The following RPS6KA4 variants were observed in gnomAD, a reference collection of about 807,000 sequenced individuals.
The protein encoded by RPS6KA4 is ribosomal protein S6 kinase alpha-4.
Under a neutral mutation model 89.6 loss-of-function variants are expected in RPS6KA4, and 38 were observed. The observed-to-expected ratio is 0.42, with a 90% CI of 0.33 to 0.56. RPS6KA4 has a LOEUF of 0.56. Among genes scored for constraint, RPS6KA4 ranks in the 20% least tolerant of loss-of-function variants. The pLI is 0.07. For missense variants in RPS6KA4, 873 were observed against 1,098.8 expected, an observed-to-expected ratio of 0.79 and a Z score of 2.90; for synonymous variants, 495 against 492.8, an observed-to-expected ratio of 1.00 and a Z score of -0.06.
chr11:64,360,616 C>A, intron 4 of RPS6KA4, 24 bp downstream of exon 4: 1 of 1,561,198 alleles, frequency 6.4e-7, no homozygotes, highest in Non-Finnish European at 8.7e-7. Context: ...TGGCCGCAGG[C>A]TGTTGCTATG....
intron 9 of RPS6KA4, 104 bp downstream of exon 9, chr11:64,365,569 T>G: frequency 2.3e-6 from 3 of 1,311,974 alleles, no homozygotes; most frequent in Non-Finnish European, 2.1e-6. Flanking sequence ...GTGTCCTGAT[T>G]GGGACTCAGC....
chr11:64,364,167 T>A (rs991709671), intron 8 of RPS6KA4, among the ~76,000 whole-genome samples: 15 of 122,140 alleles, frequency 1.2e-4, no homozygotes, highest in African/African-American at 3.9e-4. Flanking sequence ...ATTTTTTTTT[T>A]ATTCTTAGCA....
intron 9 of RPS6KA4, among the ~76,000 whole-genome samples, chr11:64,366,658 G>A (rs1565071715): frequency 6.6e-6 from 1 of 152,168 alleles, no homozygotes; most frequent in African/African-American, 2.4e-5. Flanking sequence ...CTGTGCCTTT[G>A]CACTTGCTGC....
In RPS6KA4 at chr11:64,370,010, T is replaced by A; in HGVS notation, c.1797+117T>A. The A allele has an allele frequency of 8.2e-7, 1 of 1,223,332 alleles. No individual in the cohort carries two copies. Among genetic ancestry groups the A allele is most frequent in the Non-Finnish European group, 1.1e-6 (1 of 908,072 alleles). 75.8% of individuals were successfully genotyped at this position (1,223,332 alleles called of 1,614,324 possible). Reference sequence around the variant, plus strand: ...TCTTGGTGGGGGCGGCTGGGTTTCGTCCGAAGCTGGGATCGGGGTGGTTCA... The same window carrying A: ...TCTTGGTGGGGGCGGCTGGGTTTCGACCGAAGCTGGGATCGGGGTGGTTCA... On this transcript the variant is annotated intron_variant, in intron 14 of 16. Transcript: ENST00000334205. The surrounding 1 kb of genome is among the most constrained non-coding windows in gnomAD (Gnocchi z 4.1).
chr11:64,368,658 G>A lies in RPS6KA4; in HGVS notation c.1335-46G>A, dbSNP rs113909793. 6.0e-5 allele frequency: 94 copies of A among 1,574,192 alleles called. 1 individual carries two copies. In the African/African-American group the frequency reaches 7.9e-4, roughly 13 times the overall value. On this transcript the variant is annotated intron_variant, in intron 11 of 16. Coordinates refer to ENST00000334205, the MANE Select transcript of RPS6KA4 (RefSeq NM_003942.3). ...GGTGGCAGAGCGCTGTCCCGGGGGC[G>A]GGGCCGAAGCGCGGCGACCGTAACT... is the stretch of plus-strand genomic sequence containing the variant.
rs760259954 is a variant in RPS6KA4, at chr11:64,361,916, C to G, written c.820C>G (p.Gln274Glu). The G allele has an allele frequency of 1.9e-5, 30 of 1,612,762 alleles. No homozygotes were observed. Among genetic ancestry groups the G allele is most frequent in the Non-Finnish European group, 2.3e-5 (27 of 1,179,804 alleles). ...RIGPVAQDLL[Q>E]RLLCKDPKKR... is the part of the protein sequence containing the mutation. The stretch of plus-strand genomic sequence containing the variant: ...CGGGCCCGTGGCGCAGGACCTGCTG[C>G]AGCGGCTGCTTTGTAAGGATCCTAA... Residue 274 changes from glutamine (Q) to glutamate (E), a missense_variant, in exon 8 of 17, where the codon CAG becomes GAG. Physicochemically the swap from Gln to Glu is conservative, Grantham distance 29. Coordinates refer to ENST00000334205, the MANE Select transcript of RPS6KA4 (RefSeq NM_003942.3). The surrounding 1 kb of genome is among the most constrained non-coding windows in gnomAD (Gnocchi z 4.7).
At position 64,365,479 on chromosome 11, in the gene RPS6KA4, C is replaced by T. The variant is rs1265873788; in HGVS notation, c.1071+14C>T. On this transcript the variant is annotated intron_variant, in intron 9 of 16. Transcript: ENST00000334205. ...CGAATCTTTCAGGTGAGGGGAAACT[C>T]ATGGAACCCAGATGCAGGAGAGATG... 4 of 1,613,338 alleles carry T rather than the reference C, an allele frequency of 2.5e-6. No individual in the cohort carries two copies. Among genetic ancestry groups the T allele is most frequent in the Admixed American group, 1.7e-5 (1 of 59,876 alleles).
chr11:64,371,456 C>T lies in RPS6KA4; in HGVS notation c.2295C>T (p.Ala765=), dbSNP rs771601070. 2 of 1,436,248 alleles carry T rather than the reference C, an allele frequency of 1.4e-6. No homozygotes were observed. The highest frequency in any genetic ancestry group is 3.8e-5 in the Admixed American group (2 of 53,064). The allele number at this position is 1,436,248 out of a possible 1,614,324, so 89.0% of individuals were successfully genotyped here. A position where few individuals can be genotyped will look rare whatever the true frequency, so the allele number is the denominator to read the frequency against. Residue 765 remains alanine, a synonymous_variant, in exon 17 of 17, where the codon GCC becomes GCT. Transcript: ENST00000334205. ...CCTCCAAAGGGGCCCCCCGCCGAGC[C>T]AACGGCCCCCTGCCCCCCTCCTAAT... ...PVASKGAPRR[A]NGPLPPS
chr11:64,360,636 T>C, intron 4 of RPS6KA4, 44 bp downstream of exon 4: 1 of 1,510,330 alleles, frequency 6.6e-7, no homozygotes, highest in South Asian at 1.2e-5. Context: ...GGAAACTGGG[T>C]CTGTGCCTTG....
intron 4 of RPS6KA4, chr11:64,360,916 TC>T: frequency 1.7e-6 from 1 of 571,842 alleles, no homozygotes; most frequent in Non-Finnish European, 3.1e-6. Context: ...ACACAGACTT[TC>T]CTCTCTCTGG....
Position 64,370,778 on chromosome 11 carries a change from G to A in RPS6KA4, c.2121+52G>A, listed in dbSNP as rs1591322054. ...AGGGGTGGGCGAAGCCTCGAGAGGT[G>A]GGGTCTGGGGAGGCCCGGCCATCGG... On this transcript the variant is annotated intron_variant, in intron 16 of 16. Coordinates refer to ENST00000334205, the MANE Select transcript of RPS6KA4 (RefSeq NM_003942.3). This position sits in a 1 kb window ranked among gnomAD's most constrained non-coding sequence, Gnocchi z 4.1. 3 of 1,461,828 alleles carry A rather than the reference G, an allele frequency of 2.1e-6. No individual in the cohort carries two copies. Among genetic ancestry groups the A allele is most frequent in the South Asian group, 1.4e-5 (1 of 73,446 alleles). 90.6% of individuals were successfully genotyped at this position (1,461,828 alleles called of 1,614,324 possible). A position where few individuals can be genotyped will look rare whatever the true frequency, so the allele number is the denominator to read the frequency against.
Position 64,370,391 on chromosome 11 carries a change from A to T in RPS6KA4, c.1957+7A>T. The T allele has an allele frequency of 6.2e-7, 1 of 1,610,140 alleles. No homozygotes were observed. Among genetic ancestry groups the T allele is most frequent in the Non-Finnish European group, 8.5e-7 (1 of 1,178,788 alleles). ...GCCAAGGAGCTGGTCCGAGGTGCGG[A>T]GCTGGAGGTCATAGACCATGGTTGG... On this transcript the variant is annotated splice_region_variant and intron_variant, in intron 15 of 16. Coordinates refer to ENST00000334205, the MANE Select transcript of RPS6KA4 (RefSeq NM_003942.3). The surrounding 1 kb of genome is among the most constrained non-coding windows in gnomAD (Gnocchi z 4.1).
At chr11:64,359,712 C>T (rs564741064) in intron 2 of RPS6KA4, 3 of 561,110 alleles carry the variant, frequency 5.3e-6, no homozygotes, top group Non-Finnish European at 9.5e-6. Context: ...GGGACTGGCG[C>T]CCCTCTCAAG....
At position 64,360,474 on chromosome 11, in the gene RPS6KA4, C is replaced by G. The variant is rs752234331; in HGVS notation, c.347-3C>G. ...GCTTCCTGACTTCCACTGCACCTCC[C>G]AGACTATGTGAGCGGCGGGGAGATG... On this transcript the variant is annotated splice_polypyrimidine_tract_variant and splice_region_variant and intron_variant, in intron 3 of 16. Coordinates refer to ENST00000334205, the MANE Select transcript of RPS6KA4 (RefSeq NM_003942.3). 6.2e-7 allele frequency: 1 copy of G among 1,611,156 alleles called. No individual in the cohort carries two copies. Among genetic ancestry groups the G allele is most frequent in the Admixed American group, 1.7e-5 (1 of 59,818 alleles).
Position 64,370,305 on chromosome 11 carries a change from C to T in RPS6KA4, c.1878C>T (p.Cys626=). ...GGQSQAAEIM[C]KIREGRFSLD... Reference sequence around the variant, plus strand: ...AGAGCCAGGCGGCCGAGATCATGTGCAAAATCCGCGAGGGGCGCTTCTCCC... The same window carrying T: ...AGAGCCAGGCGGCCGAGATCATGTGTAAAATCCGCGAGGGGCGCTTCTCCC... Residue 626 remains cysteine, a synonymous_variant, in exon 15 of 17, where the codon TGC becomes TGT. Transcript: ENST00000334205. This position sits in a 1 kb window ranked among gnomAD's most constrained non-coding sequence, Gnocchi z 4.1. 6.3e-7 allele frequency: 1 copy of T among 1,592,438 alleles called. No homozygotes were observed. Among genetic ancestry groups the T allele is most frequent in the Non-Finnish European group, 8.5e-7 (1 of 1,174,280 alleles).
chr11:64,366,976 C>T (rs2036900066), intron 9 of RPS6KA4, among the ~76,000 whole-genome samples: 1 of 152,170 alleles, frequency 6.6e-6, no homozygotes, highest in South Asian at 2.1e-4. Context: ...CATTGTCTCA[C>T]AGCCCTCATG....
Position 64,361,590 on chromosome 11 carries a change from TG to T in RPS6KA4, c.651+45del. On this transcript the variant is annotated intron_variant, in intron 6 of 16. Coordinates refer to ENST00000334205, the MANE Select transcript of RPS6KA4 (RefSeq NM_003942.3). This position sits in a 1 kb window ranked among gnomAD's most constrained non-coding sequence, Gnocchi z 4.7. ...AGTGGGGCTGGGGGAGGTGGAAAGG[TG>T]GGGTGTGAGGCAGGGGAGATGCAGG... 2 of 1,612,850 alleles carry T rather than the reference TG, an allele frequency of 1.2e-6. No homozygotes were observed. Among genetic ancestry groups the T allele is most frequent in the Non-Finnish European group, 1.7e-6 (2 of 1,179,524 alleles).
At chr11:64,364,281 C>T (rs916049576) in intron 8 of RPS6KA4, among the ~76,000 whole-genome samples, 1 of 151,992 alleles carries the variant, frequency 6.6e-6, no homozygotes, top group Non-Finnish European at 1.5e-5. Flanking sequence ...GGAGAAGGGG[C>T]AAAAGGAGCA....
chr11:64,360,737 C>A, intron 4 of RPS6KA4, 145 bp downstream of exon 4: 1 of 700,846 alleles, frequency 1.4e-6, no homozygotes, highest in Non-Finnish European at 2.3e-6. Flanking sequence ...AGCTGCTTCC[C>A]CTGGACCCCT....
Sources: gnomAD v4.1 joint callset for allele counts (sites outside exome capture counted in the v4.1 genomes callset) on GRCh38, gnomAD v4.1.1 for gene constraint, Gnocchi (gnomAD v3.1) non-coding constraint, MANE v1.5 for transcripts, NCBI Gene and HGNC (gene_info 2026-07-23, HGNC 2026-07-21) for gene names.